The following SVEP1 variants were observed in gnomAD, a reference collection of about 807,000 sequenced individuals.
SVEP1 encodes sushi, von Willebrand factor type A, EGF and pentraxin domain containing 1, also known as sushi, von Willebrand factor type A, EGF and pentraxin domain-containing protein 1.
Under a neutral mutation model 367.3 loss-of-function variants are expected in SVEP1, and 164 were observed. The observed-to-expected ratio is 0.45, with a 90% CI of 0.39 to 0.51. The LOEUF (loss-of-function observed/expected upper bound fraction) is 0.51, where lower values mean the gene tolerates loss of function less well. Ranked by LOEUF, SVEP1 falls within the 20% of genes least tolerant of loss-of-function variation. The pLI, the probability that SVEP1 is intolerant of heterozygous loss-of-function variation, is 0.00. For missense variants in SVEP1, 4,117 were observed against 4,425.3 expected (o/e 0.93, Z 1.98); for synonymous variants, 1,666 against 1,611.6 (o/e 1.03, Z -0.81).
In SVEP1 at chr9:110,546,210, C is replaced by G; in HGVS notation, c.869G>C (p.Arg290Pro). 6.3e-7 allele frequency: 1 copy of G among 1,579,860 alleles called. No homozygotes were observed. The highest frequency in any genetic ancestry group is 8.6e-7 in the Non-Finnish European group (1 of 1,162,182). The change falls in exon 3 of 48, where the codon CGA becomes CCA. Residue 290 changes from arginine to proline, a missense_variant. This residue lies in a region of SVEP1 where 2,174 missense variants were observed against 2,494.3 expected (regional missense o/e 0.87). Transcript: ENST00000374469. The stretch of plus-strand genomic sequence containing the variant: ...TGTCCCACATTTGCAGCTTCCCATT[C>G]GGTCACAGCAGTCCTTGCCTTCATC... Reference protein sequence around the residue: ...LCDEGKDCCDRMGSCKCGTHT... With the variant: ...LCDEGKDCCDPMGSCKCGTHT...
chr9:110,478,922 T>G (rs901042451), intron 13 of SVEP1, among the ~76,000 whole-genome samples: 2 of 60,234 alleles, frequency 3.3e-5, no homozygotes, highest in African/African-American at 1.8e-4. Context: ...CTTTTCTTTC[T>G]TCTTCTTTTT....
chr9:110,511,923 G>A (rs17807788), intron 5 of SVEP1, among the ~76,000 whole-genome samples: 15,076 of 152,124 alleles, frequency 0.099, 1,017 homozygotes, highest in Non-Finnish European at 0.14. Flanking sequence ...CCTCAGCAAA[G>A]TGTTCTGCCA....
chr9:110,518,440 T>C (rs1351278000), intron 3 of SVEP1, among the ~76,000 whole-genome samples: 1 of 150,414 alleles, frequency 6.6e-6, no homozygotes, highest in African/African-American at 2.4e-5. Context: ...AAAAAGTAAA[T>C]GCAGTTATAT....
In SVEP1 at chr9:110,455,681, G is replaced by T; in HGVS notation, c.3696C>A (p.Ile1232=). 1.9e-6 allele frequency: 3 copies of T among 1,611,392 alleles called. No homozygotes were observed. The highest frequency in any genetic ancestry group is 1.7e-6 in the Non-Finnish European group (2 of 1,178,680). Residue 1232 remains isoleucine, a synonymous_variant, in exon 22 of 48, where the codon ATC becomes ATA. Coordinates refer to ENST00000374469, the MANE Select transcript of SVEP1 (RefSeq NM_153366.4). ...GGCAAGGCAGTGGGCTGCACTCATC[G>T]ATGTCTGTTTCACACTTTAAGCCTA... ...GYTGLKCETD[I]DECSPLPCLN...
At chr9:110,537,902 T>C (rs928509541) in intron 3 of SVEP1, among the ~76,000 whole-genome samples, 2 of 151,858 alleles carry the variant, frequency 1.3e-5, no homozygotes, top group African/African-American at 2.4e-5. Flanking sequence ...AGTTAGTAGA[T>C]GTTAAATGTT....
intron 40 of SVEP1, among the ~76,000 whole-genome samples, chr9:110,392,446 T>C (rs1013917461): frequency 2.6e-5 from 4 of 152,108 alleles, no homozygotes; most frequent in East Asian, 1.9e-4. Context: ...GAGCACAAAA[T>C]GTTTTCATAG....
At chr9:110,424,377 C>G (rs944477115) in intron 36 of SVEP1, among the ~76,000 whole-genome samples, 1 of 151,992 alleles carries the variant, frequency 6.6e-6, no homozygotes, top group Non-Finnish European at 1.5e-5. Flanking sequence ...AGTGAAAAAT[C>G]AAAGCTTCAA....
chr9:110,520,393 G>T (rs1356262506), intron 3 of SVEP1, among the ~76,000 whole-genome samples: 1 of 152,110 alleles, frequency 6.6e-6, no homozygotes, highest in Non-Finnish European at 1.5e-5. Context: ...TTTAATATGC[G>T]ATGTTTCCTT....
At chr9:110,500,960 C>T (rs2118749952) in intron 6 of SVEP1, among the ~76,000 whole-genome samples, 1 of 151,540 alleles carries the variant, frequency 6.6e-6, no homozygotes, top group Non-Finnish European at 1.5e-5. Context: ...AAGAAAATCC[C>T]TTTTAAGCTA....
intron 8 of SVEP1, among the ~76,000 whole-genome samples, chr9:110,491,025 T>G (rs759485894): frequency 6.6e-6 from 1 of 152,024 alleles, no homozygotes; most frequent in Non-Finnish European, 1.5e-5. Flanking sequence ...TTTTATGATT[T>G]AAACTATAAT....
chr9:110,461,563 T>A (rs1414940917), intron 18 of SVEP1, among the ~76,000 whole-genome samples: 1 of 152,168 alleles, frequency 6.6e-6, no homozygotes, highest in African/African-American at 2.4e-5. Context: ...GAGCAGGGTA[T>A]GCCATGTCAT....
At chr9:110,568,179 G>T (rs777665999) in intron 1 of SVEP1, among the ~76,000 whole-genome samples, 1 of 152,158 alleles carries the variant, frequency 6.6e-6, no homozygotes, top group Non-Finnish European at 1.5e-5. Context: ...CTTCATCTTA[G>T]GTTGTGCTTC....
chr9:110,447,096 G>A, intron 24 of SVEP1, 39 bp from the exon 25 acceptor site: 2 of 1,376,368 alleles, frequency 1.5e-6, no homozygotes, highest in Non-Finnish European at 1.9e-6. Context: ...TAGAACAGTT[G>A]TAGGAAGTCT....
At chr9:110,469,337 G>A (rs540436263) in intron 16 of SVEP1, among the ~76,000 whole-genome samples, 4 of 152,296 alleles carry the variant, frequency 2.6e-5, no homozygotes, top group Admixed American at 6.5e-5. Flanking sequence ...TATTGACCAA[G>A]CTTAAGGCTT....
At chr9:110,440,753 G>A (rs895240512) in intron 27 of SVEP1, among the ~76,000 whole-genome samples, 1 of 152,124 alleles carries the variant, frequency 6.6e-6, no homozygotes, top group African/African-American at 2.4e-5. Context: ...ATTGTCTAGC[G>A]TGATGTGTAT....
chr9:110,406,202 G>C lies in SVEP1; in HGVS notation c.9398C>G (p.Ala3133Gly). The C allele has an allele frequency of 1.2e-6, 2 of 1,604,268 alleles. No homozygotes were observed. Among genetic ancestry groups the C allele is most frequent in the Admixed American group, 1.7e-5 (1 of 59,014 alleles). Reference sequence around the variant, plus strand: ...TTCATAGGTGTGTGCCTCTCCAGTTGCCACTGCATTGGCGACAGACGGTGG... The same window carrying C: ...TTCATAGGTGTGTGCCTCTCCAGTTCCCACTGCATTGGCGACAGACGGTGG... ...GSPPSVANAVATGEAHTYESE... is the reference protein window; with the variant it reads ...GSPPSVANAVGTGEAHTYESE... Residue 3133 changes from alanine to glycine, a missense_variant, in exon 38 of 48, where the codon GCA becomes GGA. Physicochemically the swap from Ala to Gly is moderately conservative, Grantham distance 60 (BLOSUM62 0). Coordinates refer to ENST00000374469, the MANE Select transcript of SVEP1 (RefSeq NM_153366.4).
In SVEP1 at chr9:110,511,218, G is replaced by A. The variant is rs563518710; in HGVS notation, c.1303+1708C>T. On this transcript the variant is annotated intron_variant, in intron 5 of 47. Coordinates refer to ENST00000374469, the MANE Select transcript of SVEP1 (RefSeq NM_153366.4). ...GGCACTTACTAAGTGATTTTAAACT[G>A]AATATCCAAGATTTGGGTTGTGAGT... is the stretch of plus-strand genomic sequence containing the variant. Among the ~76,000 whole-genome samples the A allele has an allele frequency of 3.9e-5, 6 of 152,204 alleles. No homozygotes were observed. The South Asian group carries it at 1.2e-3, about 32-fold the overall frequency.
rs1398360435 is a variant in SVEP1, at chr9:110,434,383, T to C, written c.5012A>G (p.Tyr1671Cys). ...TGTCCACTGTCCTTGATTCAGACAG[T>C]ACTGCACAGGGTTCCCGACCAGCTG... Reference protein sequence around the residue: ...GFQLVGNPVQYCLNQGQWTQP... With the variant: ...GFQLVGNPVQCCLNQGQWTQP... The change falls in exon 30 of 48, where the codon TAC (tyrosine) becomes TGC (cysteine). Residue 1671 changes from tyrosine to cysteine, a missense_variant. This residue lies in a region of SVEP1 where 2,174 missense variants were observed against 2,494.3 expected (regional missense o/e 0.87). Transcript: ENST00000374469. The C allele has an allele frequency of 6.2e-7, 1 of 1,613,388 alleles. No individual in the cohort carries two copies.
chr9:110,443,971 T>C (rs1383055996), intron 26 of SVEP1, among the ~76,000 whole-genome samples: 3 of 152,152 alleles, frequency 2.0e-5, no homozygotes, highest in African/African-American at 7.2e-5. Context: ...GAAAAAGTCT[T>C]AGGATGAGCC....
Sources: allele counts gnomAD v4.1 joint callset (sites outside exome capture counted in the v4.1 genomes callset), GRCh38; gene constraint gnomAD v4.1.1; regional missense constraint gnomAD v4.1.1; transcripts MANE v1.5; gene names NCBI Gene and HGNC (gene_info 2026-07-23, HGNC 2026-07-21).